APBA2: variants seen among roughly 807,000 people sequenced by gnomAD.
APBA2 encodes amyloid beta precursor protein binding family A member 2.
A neutral mutation model predicts 75.0 loss-of-function variants in APBA2; 30 were observed. The observed-to-expected ratio is 0.40, with a 90% confidence interval of 0.30 to 0.54. The LOEUF (loss-of-function observed/expected upper bound fraction) is 0.54. Among genes scored for constraint, APBA2 ranks in the 20% least tolerant of loss-of-function variants. APBA2 has a pLI of 0.49. For missense variants in APBA2, 801 were observed against 1,016.1 expected (o/e 0.79, Z 2.88); for synonymous variants, 444 against 409.6 (o/e 1.08, Z -1.01).
chr15:29,101,810 C>T, intron 10 of APBA2, 26 bp downstream of exon 10: 1 of 1,606,720 alleles, frequency 6.2e-7, no homozygotes, highest in Non-Finnish European at 8.5e-7. Context: ...CCAGGGCACT[C>T]CCCTCCCAAA....
Position 29,026,440 on chromosome 15 carries a change from G to A in APBA2, c.-40-27405G>A, listed in dbSNP as rs144811853. ...GTTCTTTGGCACCATGTATATGAAC[G>A]GCCAGTTAACCCTCTGTTATCCATT... On this transcript the variant is annotated intron_variant, in intron 3 of 14. Transcript: ENST00000683413. 4.1e-4 allele frequency among the ~76,000 whole-genome samples: 62 copies of A among 152,250 alleles called. 1 individual carries two copies. The East Asian group carries it at 0.011, about 28-fold the overall frequency.
At position 28,936,425 on chromosome 15, in the gene APBA2, G is replaced by A. The variant is rs149087156; in HGVS notation, c.-95+14676G>A. Among the ~76,000 whole-genome samples, 24 of 152,316 alleles carry A rather than the reference G, an allele frequency of 1.6e-4. No individual in the cohort carries two copies. The East Asian group carries it at 2.5e-3, about 16-fold the overall frequency. ...GAGCACCCAGGCCCAGGTCTGTCCC[G>A]GAGCCATGTGGACCTGGCGAATGGC... On this transcript the variant is annotated intron_variant, in intron 2 of 14. Coordinates refer to ENST00000683413, the MANE Select transcript of APBA2 (RefSeq NM_001353788.2).
chr15:29,108,421 C>T, intron 13 of APBA2, 32 bp downstream of exon 13: 1 of 1,613,732 alleles, frequency 6.2e-7, no homozygotes, highest in Non-Finnish European at 8.5e-7. Flanking sequence ...GGGCCACCAC[C>T]ACCACTGCAG....
At chr15:29,061,093 T>C (rs1399853491) in intron 4 of APBA2, among the ~76,000 whole-genome samples, 1 of 152,188 alleles carries the variant, frequency 6.6e-6, no homozygotes, top group African/African-American at 2.4e-5. Context: ...AGAGCGTTTG[T>C]CCAGCACCAA....
chr15:29,043,281 A>T (rs1292606710), intron 3 of APBA2, among the ~76,000 whole-genome samples: 1 of 152,112 alleles, frequency 6.6e-6, no homozygotes, highest in East Asian at 1.9e-4. Flanking sequence ...GTATTTCGAG[A>T]TGAGGATGCA....
intron 3 of APBA2, among the ~76,000 whole-genome samples, chr15:29,024,594 T>A (rs1433710247): frequency 6.6e-6 from 1 of 152,254 alleles, no homozygotes; most frequent in Non-Finnish European, 1.5e-5. Context: ...CTTTCTGGGC[T>A]AGCATTTAAC....
intron 6 of APBA2, among the ~76,000 whole-genome samples, chr15:29,082,395 C>T (rs1311222128): frequency 4.6e-5 from 7 of 152,126 alleles, no homozygotes; most frequent in East Asian, 1.9e-4. Context: ...CACTTCAGAT[C>T]GATTGTCTTA....
In APBA2 at chr15:28,900,000, C is replaced by T. The variant is rs932995671; in HGVS notation, c.-205+13722C>T. ...AGGAGGCAGGGCAGGAGTGGAGGGT[C>T]GGAGAGCAGGAGGTGAGGGACCCCT... On this transcript the variant is annotated intron_variant, in intron 1 of 14. Coordinates refer to ENST00000683413, the MANE Select transcript of APBA2 (RefSeq NM_001353788.2). Among the ~76,000 whole-genome samples, 84 of 151,858 alleles carry T rather than the reference C, an allele frequency of 5.5e-4. 3 individuals carry two copies. Among genetic ancestry groups the T allele is most frequent in the Admixed American group, 6.6e-5 (1 of 15,234 alleles).
chr15:29,070,351 A>G (rs2042564465), intron 4 of APBA2, among the ~76,000 whole-genome samples: 1 of 152,244 alleles, frequency 6.6e-6, no homozygotes. Context: ...ACCGGGATGC[A>G]GGAGGGACTC....
chr15:29,067,391 C>T (rs1318325278), intron 4 of APBA2, among the ~76,000 whole-genome samples: 2 of 152,142 alleles, frequency 1.3e-5, no homozygotes, highest in African/African-American at 2.4e-5. Context: ...CGTGTGTGGT[C>T]GTGAGGCGGT....
chr15:28,940,829 G>C (rs2035178411), intron 2 of APBA2, among the ~76,000 whole-genome samples: 1 of 152,170 alleles, frequency 6.6e-6, no homozygotes, highest in Admixed American at 6.5e-5. Flanking sequence ...GATAATAAAG[G>C]AGCCACCCTG....
intron 3 of APBA2, among the ~76,000 whole-genome samples, chr15:29,047,942 G>A (rs2152876783): frequency 6.6e-6 from 1 of 152,272 alleles, no homozygotes; most frequent in South Asian, 2.1e-4. Flanking sequence ...AATATGAGAT[G>A]TCTACAGCTA....
At chr15:28,951,613 C>T (rs1220731768) in intron 2 of APBA2, among the ~76,000 whole-genome samples, 2 of 151,892 alleles carry the variant, frequency 1.3e-5, no homozygotes. Flanking sequence ...TGAGACAAAG[C>T]CTTGCTCTGT....
chr15:28,886,887 C>A lies in APBA2; in HGVS notation c.-205+609C>A, dbSNP rs189969064. Among the ~76,000 whole-genome samples, 1,239 of 152,372 alleles carry A rather than the reference C, an allele frequency of 8.1e-3. 24 individuals are homozygous for A. Among genetic ancestry groups the A allele is most frequent in the African/African-American group, 0.029 (1,193 of 41,598 alleles). On this transcript the variant is annotated intron_variant, in intron 1 of 14. Coordinates refer to ENST00000683413, the MANE Select transcript of APBA2 (RefSeq NM_001353788.2). ...CTGCCCCTCGGCCTGGCCCCTTCCC[C>A]ATGGCAGGCACTGCCTGGCAAGGCT...
rs563832814 is a variant in APBA2, at chr15:28,997,347, G to T, written c.-41+1541G>T. On this transcript the variant is annotated intron_variant, in intron 3 of 14. Coordinates refer to ENST00000683413, the MANE Select transcript of APBA2 (RefSeq NM_001353788.2). Reference sequence around the variant, plus strand: ...GTGTTTACTGAAATTTTTCTCAGTTGTCAGTTTTCAAAGTTTGTGAATGTA... The same window carrying T: ...GTGTTTACTGAAATTTTTCTCAGTTTTCAGTTTTCAAAGTTTGTGAATGTA... 7.9e-5 allele frequency among the ~76,000 whole-genome samples: 12 copies of T among 152,290 alleles called. No homozygotes were observed. The East Asian group carries it at 2.3e-3, about 29-fold the overall frequency.
intron 2 of APBA2, among the ~76,000 whole-genome samples, chr15:28,930,091 CA>C (rs1056145960): frequency 6.6e-6 from 1 of 152,128 alleles, no homozygotes; most frequent in African/African-American, 2.4e-5. Context: ...GGAAGGGGGG[CA>C]AAAGCTATGT....
At chr15:29,042,058 T>C (rs981814410) in intron 3 of APBA2, among the ~76,000 whole-genome samples, 8 of 152,164 alleles carry the variant, frequency 5.3e-5, no homozygotes, top group African/African-American at 1.7e-4. Flanking sequence ...TCATGAGGGC[T>C]GTGAGGGAAA....
At chr15:29,028,413 G>T (rs1231830826) in intron 3 of APBA2, among the ~76,000 whole-genome samples, 1 of 152,132 alleles carries the variant, frequency 6.6e-6, no homozygotes. Flanking sequence ...TCATTGATGG[G>T]CATTTGGGTT....
At chr15:28,979,749 C>G (rs555149333) in intron 2 of APBA2, among the ~76,000 whole-genome samples, 11 of 152,130 alleles carry the variant, frequency 7.2e-5, no homozygotes, top group Non-Finnish European at 1.5e-4. Flanking sequence ...GGCTCTCTGA[C>G]CCCGTAGGTT....
Sources: gnomAD v4.1 joint callset for allele counts (sites outside exome capture counted in the v4.1 genomes callset) on GRCh38, gnomAD v4.1.1 for gene constraint, MANE v1.5 for transcripts, NCBI Gene and HGNC (gene_info 2026-07-23, HGNC 2026-07-21) for gene names.